The following CTCF variants were observed in gnomAD, a reference collection of about 807,000 sequenced individuals.
The protein encoded by CTCF is transcriptional repressor CTCF.
In CTCF, 7 loss-of-function variants were observed where a neutral mutation model predicts 72.3. The observed-to-expected ratio is 0.10, with a 90% CI of 0.06 to 0.18. CTCF has a LOEUF of 0.18. Ranked by LOEUF, CTCF falls within the 10% of genes least tolerant of loss-of-function variation. CTCF has a pLI of 1.00. For missense variants in CTCF, 516 were observed against 949.1 expected, an observed-to-expected ratio of 0.54 and a Z score of 6.00; for synonymous variants, 374 against 315.8, an observed-to-expected ratio of 1.18 and a Z score of -1.95.
chr16:67,619,830 G>A (rs535440993), intron 5 of CTCF, among the ~76,000 whole-genome samples: 7 of 152,150 alleles, frequency 4.6e-5, no homozygotes, highest in African/African-American at 9.6e-5. Flanking sequence ...GCAATCGCAC[G>A]CCTTGGGCCT....
chr16:67,601,335 G>T (rs1374188050), intron 2 of CTCF, among the ~76,000 whole-genome samples: 8 of 134,190 alleles, frequency 6.0e-5, no homozygotes, highest in Admixed American at 2.3e-4. Flanking sequence ...GTGTGTGTGT[G>T]TGTTTTGTTT....
intron 1 of CTCF, chr16:67,567,890 C>CTTTTTTTTTTTTTTTT (rs55719441): frequency 1.8e-5 from 1 of 55,398 alleles, no homozygotes; most frequent in Non-Finnish European, 3.0e-5. Flanking sequence ...CCATACTCGG[C>CTTTTTTTTTTTTTTTT]TTTTTTTTTT....
intron 2 of CTCF, among the ~76,000 whole-genome samples, chr16:67,592,660 G>A (rs2051760653): frequency 6.6e-6 from 1 of 152,154 alleles, no homozygotes; most frequent in African/African-American, 2.4e-5. Flanking sequence ...AGCCAAGATC[G>A]TGCCACTGCA....
intron 2 of CTCF, among the ~76,000 whole-genome samples, chr16:67,576,529 G>T (rs1191750347): frequency 6.8e-6 from 1 of 147,632 alleles, no homozygotes; most frequent in Non-Finnish European, 1.5e-5. Flanking sequence ...GTTAAATTAT[G>T]ATACATCCCT....
intron 2 of CTCF, chr16:67,572,673 A>C (rs2051438719): frequency 6.6e-6 from 1 of 152,202 alleles, no homozygotes; most frequent in Non-Finnish European, 1.5e-5. Context: ...CAAGGCCTCC[A>C]AAATCCCAGT....
Position 67,611,391 on chromosome 16 carries a change from G to A in CTCF, c.559G>A (p.Glu187Lys). 1 of 1,614,102 alleles carries A rather than the reference G, an allele frequency of 6.2e-7. No homozygotes were observed. The highest frequency in any genetic ancestry group is 8.5e-7 in the Non-Finnish European group (1 of 1,180,008). Reference sequence around the variant, plus strand: ...AGAACAAGGGGAACTTCCACCCCAGGAAGATCCTAGTTGGCAAAAAGACCC... The same window carrying A: ...AGAACAAGGGGAACTTCCACCCCAGAAAGATCCTAGTTGGCAAAAAGACCC... ...TLEQGELPPQEDPSWQKDPDY... is the reference protein window; with the variant it reads ...TLEQGELPPQKDPSWQKDPDY... Residue 187 changes from glutamate to lysine, a missense_variant, in exon 3 of 12, where the codon GAA becomes AAA. By Grantham distance (56) the Glu-to-Lys change is moderately conservative. Transcript: ENST00000264010.
intron 1 of CTCF, among the ~76,000 whole-genome samples, chr16:67,569,766 A>G (rs748300135): frequency 2.0e-5 from 3 of 149,786 alleles, no homozygotes; most frequent in Non-Finnish European, 4.4e-5. Flanking sequence ...GCTCATTCCA[A>G]CCTCCGGCTC....
rs996449975 is a variant in CTCF, at chr16:67,620,157, A to G, written c.1087-540A>G. On this transcript the variant is annotated intron_variant, in intron 5 of 11. Coordinates refer to ENST00000264010, the MANE Select transcript of CTCF (RefSeq NM_006565.4). ...CAAACATGTAGAAGTAAAGATTGTAATACATCCTCATGTGCCTACCACCCA... is the reference window on the plus strand; with the variant it reads ...CAAACATGTAGAAGTAAAGATTGTAGTACATCCTCATGTGCCTACCACCCA... Among the ~76,000 whole-genome samples, 31 of 152,194 alleles carry G rather than the reference A, an allele frequency of 2.0e-4. 1 individual carries two copies. The highest frequency in any genetic ancestry group is 6.3e-4 in the African/African-American group (26 of 41,452).
chr16:67,620,925 C>T (rs776646265), intron 6 of CTCF, 108 bp downstream of exon 6: 47 of 893,126 alleles, frequency 5.3e-5, no homozygotes, highest in Non-Finnish European at 7.3e-5. Flanking sequence ...TGAAGACTGG[C>T]ATGAAAATAG....
chr16:67,607,445 A>G (rs1292607132), intron 2 of CTCF, among the ~76,000 whole-genome samples: 2 of 151,918 alleles, frequency 1.3e-5, no homozygotes, highest in African/African-American at 2.4e-5. Flanking sequence ...AGCTGGGATT[A>G]CAGGTGCACA....
chr16:67,591,160 A>G lies in CTCF; in HGVS notation c.-9-19664A>G, dbSNP rs574563958. 4.0e-5 allele frequency among the ~76,000 whole-genome samples: 6 copies of G among 151,004 alleles called. No individual in the cohort carries two copies. In the East Asian group the frequency reaches 1.2e-3, roughly 30 times the overall value. On this transcript the variant is annotated intron_variant, in intron 2 of 11. Coordinates refer to ENST00000264010, the MANE Select transcript of CTCF (RefSeq NM_006565.4). ...ATACAAAAATTAGCTAGTCGTGGTG[A>G]TGCGTGCCTGTAATCCCAGCTACTC...
rs1267166376 is a variant in CTCF at position 67,617,136 on chromosome 16, C to T, written c.1086+258C>T. ...CAGCACTTTGGGAGGCTGAGGTGGG[C>T]GGATCACCTGAGGTCGGGAGTTGGA... On this transcript the variant is annotated intron_variant, in intron 5 of 11. Transcript: ENST00000264010. Among the ~76,000 whole-genome samples, 7 of 151,194 alleles carry T rather than the reference C, an allele frequency of 4.6e-5. 1 individual carries two copies. Among genetic ancestry groups the T allele is most frequent in the East Asian group, 3.9e-4 (2 of 5,090 alleles).
intron 2 of CTCF, among the ~76,000 whole-genome samples, chr16:67,577,865 G>A (rs1301478521): frequency 1.7e-4 from 26 of 152,174 alleles, no homozygotes; most frequent in Non-Finnish European, 1.5e-5. Context: ...AGGGGATTGA[G>A]GTTGCAGAGG....
rs58387336 is a variant in CTCF at position 67,624,071 on chromosome 16, A to ATGTGTGTGTG, written c.1358-2448_1358-2439dup. 7.2e-3 allele frequency among the ~76,000 whole-genome samples: 852 copies of ATGTGTGTGTG among 117,550 alleles called. 11 individuals carry two copies. Among genetic ancestry groups the ATGTGTGTGTG allele is most frequent in the Admixed American group, 0.011 (109 of 10,306 alleles). 77.1% of individuals were successfully genotyped at this position (117,550 alleles called of 152,430 possible). On this transcript the variant is annotated intron_variant, in intron 7 of 11. Coordinates refer to ENST00000264010, the MANE Select transcript of CTCF (RefSeq NM_006565.4). ...TCAAAAAAAAAAAAAAAAATTATAT[A>ATGTGTGTGTG]TGTGTGTGTGTGTGTGTGTGTGTGT...
chr16:67,635,015 G>A (rs1263811628), intron 10 of CTCF, among the ~76,000 whole-genome samples: 2 of 147,438 alleles, frequency 1.4e-5, no homozygotes, highest in Non-Finnish European at 3.0e-5. Flanking sequence ...TTTTGTTTTT[G>A]TTTTTGTTTG....
chr16:67,580,322 G>T (rs891076127), intron 2 of CTCF, among the ~76,000 whole-genome samples: 21 of 151,972 alleles, frequency 1.4e-4, no homozygotes, highest in Non-Finnish European at 8.8e-5. Flanking sequence ...TGATCATCTG[G>T]CCTCAAGCTC....
In CTCF at chr16:67,626,598, G is replaced by A. The variant is rs2142862480; in HGVS notation, c.1401G>A (p.Lys467=). The stretch of plus-strand genomic sequence containing the variant: ...AGCATTCCTATATTGAGCAAGGCAA[G>A]AAATGCCGTTACTGTGATGCTGTGT... ...RKQHSYIEQG[K]KCRYCDAVFH... Residue 467 remains lysine, a synonymous_variant, in exon 8 of 12, where the codon AAG becomes AAA. Coordinates refer to ENST00000264010, the MANE Select transcript of CTCF (RefSeq NM_006565.4). 6.4e-7 allele frequency: 1 copy of A among 1,563,404 alleles called. No individual in the cohort carries two copies. Among genetic ancestry groups the A allele is most frequent in the South Asian group, 1.2e-5 (1 of 84,704 alleles).
intron 10 of CTCF, 121 bp from the exon 11 acceptor site, chr16:67,636,569 G>GCA (rs1555536718): frequency 1.2e-5 from 3 of 244,748 alleles, no homozygotes; most frequent in Non-Finnish European, 2.1e-5. Context: ...GAAAGAAAGT[G>GCA]TATATATATA....
intron 2 of CTCF, among the ~76,000 whole-genome samples, chr16:67,590,535 C>T (rs1054862810): frequency 6.6e-6 from 1 of 151,876 alleles, no homozygotes; most frequent in Non-Finnish European, 1.5e-5. Context: ...GACAGGGTTT[C>T]ACTGTGTTAG....
Sources: allele counts gnomAD v4.1 joint callset (sites outside exome capture counted in the v4.1 genomes callset), GRCh38; gene constraint gnomAD v4.1.1; transcripts MANE v1.5; gene names NCBI Gene and HGNC (gene_info 2026-07-23, HGNC 2026-07-21).